PLXDC2: variants seen among roughly 807,000 people sequenced by gnomAD.
The protein encoded by PLXDC2 is plexin domain containing 2, also known as plexin domain-containing protein 2.
Under a neutral mutation model 68.9 loss-of-function variants are expected in PLXDC2, and 40 were observed. The observed-to-expected ratio is 0.58, with a 90% confidence interval of 0.45 to 0.76. PLXDC2 has a LOEUF of 0.76. Ranked by LOEUF, PLXDC2 falls within the 30% of genes least tolerant of loss-of-function variation. The pLI is 0.00. For synonymous variants in PLXDC2, 243 were observed against 234.2 expected (o/e 1.04, Z -0.34); for missense variants, 644 against 661.9 (o/e 0.97, Z 0.30).
rs1834458023 is a variant in PLXDC2 at position 20,172,254 on chromosome 10, G to A, written c.884-4745G>A. On this transcript the variant is annotated intron_variant, in intron 7 of 13. Transcript: ENST00000377252. Reference sequence around the variant, plus strand: ...GGAAAAAAAAAAAAAAAAAAAGAGAGAGAGAGATGTAATGACTTGGCAAAT... The same window carrying A: ...GGAAAAAAAAAAAAAAAAAAAGAGAAAGAGAGATGTAATGACTTGGCAAAT... Among the ~76,000 whole-genome samples, 5 of 145,388 alleles carry A rather than the reference G, an allele frequency of 3.4e-5. No homozygotes were observed. In the South Asian group the frequency reaches 1.1e-3, roughly 32 times the overall value.
chr10:20,082,345 T>C (rs1441746172), intron 4 of PLXDC2, among the ~76,000 whole-genome samples: 1 of 151,966 alleles, frequency 6.6e-6, no homozygotes, highest in East Asian at 1.9e-4. Context: ...GTCGGTAGTA[T>C]GGGAAATCAG....
chr10:20,162,710 T>C (rs562971891), intron 6 of PLXDC2, among the ~76,000 whole-genome samples: 3 of 152,178 alleles, frequency 2.0e-5, no homozygotes, highest in Non-Finnish European at 4.4e-5. Context: ...AACAGTATAA[T>C]GCTCACTAAG....
intron 9 of PLXDC2, among the ~76,000 whole-genome samples, chr10:20,211,346 A>G (rs1369035809): frequency 6.6e-6 from 1 of 152,204 alleles, no homozygotes; most frequent in Non-Finnish European, 1.5e-5. Flanking sequence ...AATACAAGGT[A>G]AAAGAAAATC....
intron 1 of PLXDC2, among the ~76,000 whole-genome samples, chr10:19,981,322 A>G (rs961777379): frequency 5.3e-5 from 8 of 152,328 alleles, no homozygotes; most frequent in African/African-American, 1.7e-4. Flanking sequence ...GACCTTGAAA[A>G]TGAAATAGTT....
intron 6 of PLXDC2, among the ~76,000 whole-genome samples, chr10:20,151,068 T>A (rs1834146130): frequency 6.6e-6 from 1 of 152,232 alleles, no homozygotes; most frequent in Non-Finnish European, 1.5e-5. Context: ...TTCTGTTCTT[T>A]CTTTGTTCTC....
At chr10:19,993,419 T>G (rs1459462702) in intron 1 of PLXDC2, among the ~76,000 whole-genome samples, 1 of 152,190 alleles carries the variant, frequency 6.6e-6, no homozygotes, top group Non-Finnish European at 1.5e-5. Context: ...TATTTTTATT[T>G]ATTTATTCAT....
chr10:19,990,366 C>T (rs1311118235), intron 1 of PLXDC2, among the ~76,000 whole-genome samples: 3 of 151,940 alleles, frequency 2.0e-5, no homozygotes, highest in Non-Finnish European at 4.4e-5. Flanking sequence ...TAGGCCACAC[C>T]CTTAGAAGGA....
At position 20,255,283 on chromosome 10, in the gene PLXDC2, T is replaced by A. The variant is rs558575156; in HGVS notation, c.1473+9778T>A. On this transcript the variant is annotated intron_variant, in intron 13 of 13. Transcript: ENST00000377252. ...TGAAAGAATCAGATGGATAAATAAATGAAAATCTGCAAAGCTACAATTCAC... is the reference window on the plus strand; with the variant it reads ...TGAAAGAATCAGATGGATAAATAAAAGAAAATCTGCAAAGCTACAATTCAC... Among the ~76,000 whole-genome samples, 23 of 152,210 alleles carry A rather than the reference T, an allele frequency of 1.5e-4. No homozygotes were observed. In the South Asian group the frequency reaches 4.6e-3, roughly 30 times the overall value.
In PLXDC2 at chr10:19,933,864, G is replaced by A. The variant is rs1289188638; in HGVS notation, c.113-67911G>A. Among the ~76,000 whole-genome samples the A allele has an allele frequency of 1.1e-4, 16 of 139,194 alleles. No homozygotes were observed. The East Asian group carries it at 3.5e-3, about 30-fold the overall frequency. 91.3% of individuals were successfully genotyped at this position (139,194 alleles called of 152,430 possible). ...AGGGGAGGAAGGAAGGAAGGAAAGG[G>A]AGGGTGGGAGGGAGGGAAAAAAGGA... On this transcript the variant is annotated intron_variant, in intron 1 of 13. Coordinates refer to ENST00000377252, the MANE Select transcript of PLXDC2 (RefSeq NM_032812.9).
intron 4 of PLXDC2, among the ~76,000 whole-genome samples, chr10:20,080,580 G>A (rs1836536168): frequency 6.6e-6 from 1 of 152,182 alleles, no homozygotes; most frequent in African/African-American, 2.4e-5. Flanking sequence ...AGAAGAGTCA[G>A]CAAGTCAGCT....
At chr10:19,891,145 C>A (rs1235107665) in intron 1 of PLXDC2, among the ~76,000 whole-genome samples, 2 of 152,092 alleles carry the variant, frequency 1.3e-5, no homozygotes, top group Non-Finnish European at 2.9e-5. Context: ...AATATAAGTA[C>A]CCAGTTGAGG....
At chr10:19,817,392 C>A (rs1836373537) in intron 1 of PLXDC2, among the ~76,000 whole-genome samples, 2 of 152,088 alleles carry the variant, frequency 1.3e-5, no homozygotes, top group Non-Finnish European at 2.9e-5. Flanking sequence ...TAGGGGTTTT[C>A]TTGAGGCTTT....
chr10:20,014,782 T>A (rs755045947), intron 2 of PLXDC2, among the ~76,000 whole-genome samples: 1 of 152,182 alleles, frequency 6.6e-6, no homozygotes, highest in Non-Finnish European at 1.5e-5. Flanking sequence ...ATATCTCTTA[T>A]CTTGTTACTA....
chr10:20,078,656 T>C (rs1836493922), intron 4 of PLXDC2, among the ~76,000 whole-genome samples: 1 of 152,204 alleles, frequency 6.6e-6, no homozygotes, highest in Non-Finnish European at 1.5e-5. Flanking sequence ...ATTGTGTTTA[T>C]GTTTCTATTC....
intron 4 of PLXDC2, among the ~76,000 whole-genome samples, chr10:20,095,075 G>T (rs566794066): frequency 6.6e-6 from 1 of 152,194 alleles, no homozygotes; most frequent in East Asian, 1.9e-4. Flanking sequence ...TGCATAAAAT[G>T]TAAAAAGAAA....
At chr10:20,143,499 C>T in intron 5 of PLXDC2, 82 bp downstream of exon 5, 1 of 1,558,978 alleles carries the variant, frequency 6.4e-7, no homozygotes, top group Non-Finnish European at 8.7e-7. Context: ...TTTTTGTAAA[C>T]TGTTTATTTT....
chr10:20,201,762 A>T (rs576699678), intron 9 of PLXDC2, among the ~76,000 whole-genome samples: 31 of 152,208 alleles, frequency 2.0e-4, no homozygotes, highest in African/African-American at 7.2e-4. Context: ...TCATATATCA[A>T]TTAAAAGATT....
intron 1 of PLXDC2, among the ~76,000 whole-genome samples, chr10:19,860,875 A>G (rs916748249): frequency 1.3e-5 from 2 of 151,626 alleles, no homozygotes; most frequent in African/African-American, 4.9e-5. Context: ...AATCTTCTTT[A>G]CTCCTACTCT....
chr10:20,078,227 T>G (rs1263297214), intron 4 of PLXDC2, among the ~76,000 whole-genome samples: 1 of 151,354 alleles, frequency 6.6e-6, no homozygotes, highest in African/African-American at 2.4e-5. Flanking sequence ...AAAAAAAAAA[T>G]TAAAAATTAG....
Sources: gnomAD v4.1 joint callset for allele counts (sites outside exome capture counted in the v4.1 genomes callset) on GRCh38, gnomAD v4.1.1 for gene constraint, MANE v1.5 for transcripts, NCBI Gene and HGNC (gene_info 2026-07-23, HGNC 2026-07-21) for gene names.